Variants in STIM2 observed in about 807,000 individuals in gnomAD.
STIM2 encodes the protein stromal interaction molecule 2.
In STIM2, 31 loss-of-function variants were observed where a neutral mutation model predicts 85.8. The ratio of observed to expected loss-of-function variants is 0.36; its 90% CI spans 0.27 to 0.49. The LOEUF is 0.49. Ranked by LOEUF, STIM2 falls within the 20% of genes least tolerant of loss-of-function variation. The probability of loss-of-function intolerance (pLI) is 0.98; values close to 1 mark genes in which losing one functional copy is unlikely to be tolerated. For synonymous variants in STIM2, 356 were observed against 331.1 expected, an observed-to-expected ratio of 1.08 and a Z score of -0.82; for missense variants, 841 against 927.6, an observed-to-expected ratio of 0.91 and a Z score of 1.21.
chr4:27,008,919 G>C lies in STIM2; in HGVS notation c.1406G>C (p.Arg469Thr). 1.9e-6 allele frequency: 3 copies of C among 1,614,104 alleles called. No individual in the cohort carries two copies. Among genetic ancestry groups the C allele is most frequent in the Non-Finnish European group, 2.5e-6 (3 of 1,180,026 alleles). Residue 469 changes from arginine (R) to threonine (T), a missense_variant, in exon 10 of 12, where the codon AGA becomes ACA. Transcript: ENST00000467087. The stretch of plus-strand genomic sequence containing the variant: ...GATCACAGCTGGGTGGTGATGCCCA[G>C]AGTCTCCATTCCACCCTATCCAATT...
intron 3 of STIM2, among the ~76,000 whole-genome samples, chr4:26,979,127 C>T (rs1034576684): frequency 6.6e-6 from 1 of 152,146 alleles, no homozygotes; most frequent in Non-Finnish European, 1.5e-5. Flanking sequence ...CTTCCAAAAT[C>T]TTCCTGGCTA....
chr4:27,007,826 G>T, intron 8 of STIM2, 126 bp downstream of exon 8: 2 of 1,041,012 alleles, frequency 1.9e-6, no homozygotes, highest in South Asian at 1.8e-5. Context: ...TTTCAAACTG[G>T]AACTTATTGT....
At chr4:26,949,855 T>C (rs1304958279) in intron 2 of STIM2, among the ~76,000 whole-genome samples, 3 of 152,226 alleles carry the variant, frequency 2.0e-5, no homozygotes, top group Non-Finnish European at 4.4e-5. Flanking sequence ...TAACATTCTT[T>C]ATGTTCATAA....
chr4:26,920,830 TCA>T (rs1724767920), intron 2 of STIM2, among the ~76,000 whole-genome samples: 1 of 152,200 alleles, frequency 6.6e-6, no homozygotes, highest in African/African-American at 2.4e-5. Flanking sequence ...AAACAAAATC[TCA>T]GTTTTGCTAT....
intron 1 of STIM2, among the ~76,000 whole-genome samples, chr4:26,902,810 C>G (rs1187826793): frequency 6.6e-6 from 1 of 152,086 alleles, no homozygotes; most frequent in Non-Finnish European, 1.5e-5. Flanking sequence ...TTGCAGAGTT[C>G]CAGTCTACTA....
At position 26,883,871 on chromosome 4, in the gene STIM2, T is replaced by G. The variant is rs369274092; in HGVS notation, c.151+22502T>G. ...TGCAAGGTTATGTATTTTGGTATGA[T>G]GGTGATAGCTTATTTTCATATTATA... On this transcript the variant is annotated intron_variant, in intron 1 of 11. Transcript: ENST00000467087. 1.1e-4 allele frequency among the ~76,000 whole-genome samples: 17 copies of G among 152,338 alleles called. No individual in the cohort carries two copies. In the East Asian group the frequency reaches 1.2e-3, roughly 10 times the overall value.
intron 10 of STIM2, among the ~76,000 whole-genome samples, chr4:27,014,904 A>G (rs988952717): frequency 1.3e-5 from 2 of 151,942 alleles, no homozygotes; most frequent in Non-Finnish European, 2.9e-5. Context: ...TTCCTTTTAT[A>G]GTTATGTGGA....
At chr4:26,989,521 A>G (rs1364007153) in intron 3 of STIM2, among the ~76,000 whole-genome samples, 20 of 152,244 alleles carry the variant, frequency 1.3e-4, no homozygotes, top group Admixed American at 1.3e-3. Flanking sequence ...CCGAATGGGG[A>G]AAAATTGAAA....
intron 4 of STIM2, among the ~76,000 whole-genome samples, chr4:26,995,978 A>G (rs1727949049): frequency 6.6e-6 from 1 of 152,048 alleles, no homozygotes; most frequent in African/African-American, 2.4e-5. Context: ...GCTACATAGA[A>G]GTACTTTATA....
chr4:27,002,138 C>A, intron 5 of STIM2, 79 bp from the exon 6 acceptor site: 1 of 1,384,078 alleles, frequency 7.2e-7, no homozygotes, highest in Non-Finnish European at 9.7e-7. Context: ...GTTTTAGATA[C>A]TACTTAAAAA....
At chr4:26,935,645 G>A (rs774566921) in intron 2 of STIM2, among the ~76,000 whole-genome samples, 12 of 152,268 alleles carry the variant, frequency 7.9e-5, no homozygotes, top group South Asian at 2.1e-4. Context: ...CTAGCAATCC[G>A]TTTTAACAAA....
chr4:26,952,078 G>A (rs947109878), intron 2 of STIM2, among the ~76,000 whole-genome samples: 1 of 152,066 alleles, frequency 6.6e-6, no homozygotes, highest in Non-Finnish European at 1.5e-5. Flanking sequence ...ACAGTATGGG[G>A]GAAACTGCCC....
At chr4:26,899,356 G>A (rs1723832435) in intron 1 of STIM2, among the ~76,000 whole-genome samples, 1 of 152,056 alleles carries the variant, frequency 6.6e-6, no homozygotes, top group African/African-American at 2.4e-5. Context: ...TTACATTTAT[G>A]TTCATGAATG....
intron 1 of STIM2, among the ~76,000 whole-genome samples, chr4:26,906,014 T>A (rs1724109839): frequency 6.6e-6 from 1 of 152,220 alleles, no homozygotes. Context: ...GCCAGTTTTA[T>A]ATCTTTAATC....
chr4:27,022,429 G>A, intron 11 of STIM2, 90 bp from the exon 12 acceptor site: 1 of 1,056,712 alleles, frequency 9.5e-7, no homozygotes, highest in Non-Finnish European at 1.4e-6. Context: ...ATTTCAAAAA[G>A]CAATGAAAGT....
At chr4:26,906,966 CAAA>C (rs33976513) in intron 1 of STIM2, among the ~76,000 whole-genome samples, 16 of 116,590 alleles carry the variant, frequency 1.4e-4, no homozygotes, top group Admixed American at 3.4e-4. Context: ...GACTCCGTCT[CAAA>C]AAAAAAAAAA....
chr4:26,961,088 T>C (rs1271892872), intron 3 of STIM2, among the ~76,000 whole-genome samples: 1 of 151,604 alleles, frequency 6.6e-6, no homozygotes, highest in Non-Finnish European at 1.5e-5. Context: ...ATAGTAGATA[T>C]AGGAATTTAC....
In STIM2 at chr4:26,981,792, T is replaced by C. The variant is rs146825640; in HGVS notation, c.398-13587T>C. On this transcript the variant is annotated intron_variant, in intron 3 of 11. Coordinates refer to ENST00000467087, the MANE Select transcript of STIM2 (RefSeq NM_020860.4). ...TTTTTACATTGTTAGACCCAGGTTA[T>C]GCATTTTGGGCTGGACTATCACAGG... Among the ~76,000 whole-genome samples the C allele has an allele frequency of 1.8e-3, 277 of 152,352 alleles. 3 individuals carry two copies. The highest frequency in any genetic ancestry group is 6.3e-3 in the African/African-American group (262 of 41,586).
intron 1 of STIM2, among the ~76,000 whole-genome samples, chr4:26,886,772 G>A (rs906480265): frequency 6.6e-6 from 1 of 152,140 alleles, no homozygotes; most frequent in Non-Finnish European, 1.5e-5. Context: ...GAGATGGGGA[G>A]CTACTGCAGG....
Sources: allele counts gnomAD v4.1 joint callset (sites outside exome capture counted in the v4.1 genomes callset), GRCh38; gene constraint gnomAD v4.1.1; transcripts MANE v1.5; gene names NCBI Gene and HGNC (gene_info 2026-07-23, HGNC 2026-07-21).